The following KIRREL1 variants were observed in gnomAD, a reference collection of about 807,000 sequenced individuals.
KIRREL1 encodes the protein kin of IRRE-like protein 1.
A neutral mutation model predicts 83.3 loss-of-function variants in KIRREL1; 25 were observed. The observed-to-expected ratio is 0.30, with a 90% CI of 0.22 to 0.42. The LOEUF (loss-of-function observed/expected upper bound fraction) is 0.42, where lower values mean the gene tolerates loss of function less well. Among genes scored for constraint, KIRREL1 ranks in the 10% least tolerant of loss-of-function variants. KIRREL1 has a pLI of 1.00. For synonymous variants in KIRREL1, 388 were observed against 410.4 expected, an observed-to-expected ratio of 0.95 and a Z score of 0.66; for missense variants, 812 against 1,032.3, an observed-to-expected ratio of 0.79 and a Z score of 2.92.
rs190290838 is a variant in KIRREL1, at chr1:158,056,477, C to T, written c.53-19636C>T. 2.6e-5 allele frequency among the ~76,000 whole-genome samples: 4 copies of T among 152,316 alleles called. No homozygotes were observed. The East Asian group carries it at 7.7e-4, about 29-fold the overall frequency. On this transcript the variant is annotated intron_variant, in intron 1 of 14. Coordinates refer to ENST00000359209, the MANE Select transcript of KIRREL1 (RefSeq NM_018240.7). ...CAAAGAGCCCCCAAAGGCTGATGCT[C>T]ATGACCAGGAGAGGCAGGGGTCAGG...
chr1:158,046,870 A>G (rs934352554), intron 1 of KIRREL1, among the ~76,000 whole-genome samples: 4 of 152,216 alleles, frequency 2.6e-5, no homozygotes, highest in Admixed American at 2.6e-4. Context: ...ACTATGCTTC[A>G]GTGCTTTTGC....
At chr1:158,056,322 G>A (rs1161694488) in intron 1 of KIRREL1, among the ~76,000 whole-genome samples, 1 of 152,196 alleles carries the variant, frequency 6.6e-6, no homozygotes. Context: ...CCTTGTGTCT[G>A]TCTCCCAAGG....
intron 1 of KIRREL1, among the ~76,000 whole-genome samples, chr1:158,026,781 A>T (rs1458460605): frequency 6.6e-6 from 1 of 152,178 alleles, no homozygotes; most frequent in African/African-American, 2.4e-5. Context: ...TTGGAGTCAG[A>T]CAGTCTGGCC....
chr1:158,020,868 C>T (rs996555892), intron 1 of KIRREL1, among the ~76,000 whole-genome samples: 15 of 152,194 alleles, frequency 9.9e-5, no homozygotes, highest in Middle Eastern at 3.2e-3. Flanking sequence ...ATTATCCACT[C>T]CACTGCTCTT....
intron 1 of KIRREL1, among the ~76,000 whole-genome samples, chr1:158,040,538 T>C: frequency 6.6e-6 from 1 of 152,258 alleles, no homozygotes; most frequent in East Asian, 1.9e-4. Flanking sequence ...ACTCTATAAA[T>C]ATGGATTCTT....
intron 1 of KIRREL1, among the ~76,000 whole-genome samples, chr1:158,044,551 T>G (rs748293524): frequency 3.4e-4 from 52 of 152,206 alleles, no homozygotes; most frequent in Non-Finnish European, 6.9e-4. Flanking sequence ...CAGGCTGGAG[T>G]GCAGTGGCAC....
At chr1:158,086,289 T>C (rs1472803962) in intron 4 of KIRREL1, among the ~76,000 whole-genome samples, 1 of 152,174 alleles carries the variant, frequency 6.6e-6, no homozygotes, top group Non-Finnish European at 1.5e-5. Flanking sequence ...CACACTCCTG[T>C]AGTCGCTGCT....
chr1:158,054,613 G>A (rs1035368687), intron 1 of KIRREL1, among the ~76,000 whole-genome samples: 3 of 152,068 alleles, frequency 2.0e-5, no homozygotes, highest in Non-Finnish European at 4.4e-5. Context: ...TTACAGATGG[G>A]GAAACAGGGC....
intron 1 of KIRREL1, among the ~76,000 whole-genome samples, chr1:158,006,528 G>A (rs963766853): frequency 1.6e-4 from 24 of 152,206 alleles, no homozygotes; most frequent in African/African-American, 5.1e-4. Flanking sequence ...TGGGCCCCGC[G>A]TGAGCCCAAG....
rs1333962701 is a variant in KIRREL1 at position 158,061,459 on chromosome 1, AAG to A, written c.53-14651_53-14650del. 2.0e-5 allele frequency among the ~76,000 whole-genome samples: 3 copies of A among 152,294 alleles called. No individual in the cohort carries two copies. The East Asian group carries it at 5.8e-4, about 29-fold the overall frequency. Reference sequence around the variant, plus strand: ...AAAGGAAGACTCAGAGATGGAGTGAAAGAGTGTGAGAGAAGAGGCAGGCTGCT... The same window carrying A: ...AAAGGAAGACTCAGAGATGGAGTGAAAGTGTGAGAGAAGAGGCAGGCTGCT... On this transcript the variant is annotated intron_variant, in intron 1 of 14. Transcript: ENST00000359209.
intron 1 of KIRREL1, among the ~76,000 whole-genome samples, chr1:158,074,400 AC>A (rs938903600): frequency 5.3e-5 from 8 of 152,178 alleles, no homozygotes; most frequent in African/African-American, 1.9e-4. Context: ...TTTGTGTGCA[AC>A]AACCAGTGGG....
chr1:158,051,573 T>C (rs1421191979), intron 1 of KIRREL1, among the ~76,000 whole-genome samples: 4 of 152,250 alleles, frequency 2.6e-5, no homozygotes, highest in African/African-American at 9.6e-5. Context: ...TCCTCCTTTT[T>C]GTAGAGACAT....
At chr1:158,083,477 C>T (rs1385366284) in intron 3 of KIRREL1, among the ~76,000 whole-genome samples, 1 of 152,188 alleles carries the variant, frequency 6.6e-6, no homozygotes, top group Non-Finnish European at 1.5e-5. Context: ...GAAAGCACTG[C>T]AATGCAGGTC....
intron 1 of KIRREL1, among the ~76,000 whole-genome samples, chr1:158,017,066 ATGTTAGGCAC>A (rs371349772): frequency 5.3e-5 from 8 of 152,190 alleles, no homozygotes; most frequent in African/African-American, 1.9e-4. Flanking sequence ...CATTTACTAT[ATGTTAGGCAC>A]TGTTAGGTGC....
chr1:158,085,790 G>C (rs2101635988), intron 4 of KIRREL1, among the ~76,000 whole-genome samples: 1 of 152,264 alleles, frequency 6.6e-6, no homozygotes, highest in Admixed American at 6.5e-5. Flanking sequence ...ACCATATTTA[G>C]GGACCCCTGG....
chr1:157,997,931 G>T (rs988055724), intron 1 of KIRREL1, among the ~76,000 whole-genome samples: 1 of 152,134 alleles, frequency 6.6e-6, no homozygotes, highest in African/African-American at 2.4e-5. Context: ...GCCCAGGCTA[G>T]GGTGCAGTGG....
Position 158,088,354 on chromosome 1 carries a change from A to G in KIRREL1, c.944A>G (p.Lys315Arg), listed in dbSNP as rs764240668. The G allele has an allele frequency of 9.9e-6, 16 of 1,613,660 alleles. No homozygotes were observed. The highest frequency in any genetic ancestry group is 1.1e-5 in the Non-Finnish European group (13 of 1,179,838). The change falls in exon 8 of 15, where the codon AAA becomes AGA. Residue 315 changes from lysine to arginine, a missense_variant. Physicochemically the swap from Lys to Arg is conservative, Grantham distance 26 (BLOSUM62 2). Transcript: ENST00000359209. ...HFAPRIVVDP[K>R]PTTTDIGSDV... ...GCTCCCCGGATTGTAGTTGACCCCA[A>G]ACCCACAACCACAGACATTGGCTCT...
At chr1:158,006,867 C>T (rs1659532914) in intron 1 of KIRREL1, among the ~76,000 whole-genome samples, 1 of 152,224 alleles carries the variant, frequency 6.6e-6, no homozygotes, top group Non-Finnish European at 1.5e-5. Flanking sequence ...GTGGGCCTGC[C>T]TCACAGCCAG....
intron 1 of KIRREL1, among the ~76,000 whole-genome samples, chr1:158,013,407 C>T (rs1659741775): frequency 6.6e-6 from 1 of 152,140 alleles, no homozygotes; most frequent in African/African-American, 2.4e-5. Context: ...CCTGGACGAT[C>T]TACCACATCT....
Sources: allele counts gnomAD v4.1 joint callset (sites outside exome capture counted in the v4.1 genomes callset), GRCh38; gene constraint gnomAD v4.1.1; transcripts MANE v1.5; gene names NCBI Gene and HGNC (gene_info 2026-07-23, HGNC 2026-07-21).